Variants in ROBO2 observed in about 807,000 individuals in gnomAD.
The protein encoded by ROBO2 is roundabout guidance receptor 2, also known as roundabout homolog 2.
A neutral mutation model predicts 160.8 loss-of-function variants in ROBO2; 53 were observed. That is an observed-to-expected ratio of 0.33 (90% confidence interval 0.26 to 0.41). The LOEUF is 0.41. ROBO2 is among the 10% of genes least tolerant of loss of function. ROBO2 has a pLI of 1.00. For synonymous variants in ROBO2, 664 were observed against 611.7 expected (o/e 1.09, Z -1.26); for missense variants, 1,577 against 1,722.4 (o/e 0.92, Z 1.49).
chr3:76,536,409 GC>G (rs2082504125), intron 2 of ROBO2, among the ~76,000 whole-genome samples: 1 of 152,092 alleles, frequency 6.6e-6, no homozygotes, highest in Admixed American at 6.5e-5. Context: ...CGGCCTTCTG[GC>G]CCTTCAGGGT....
intron 5 of ROBO2, among the ~76,000 whole-genome samples, chr3:77,507,215 C>T (rs1383599742): frequency 6.6e-6 from 1 of 152,212 alleles, no homozygotes; most frequent in Non-Finnish European, 1.5e-5. Context: ...TCCATAAACA[C>T]ATTTCAAGAG....
At chr3:76,604,902 G>A (rs1384196577) in intron 2 of ROBO2, among the ~76,000 whole-genome samples, 1 of 152,148 alleles carries the variant, frequency 6.6e-6, no homozygotes, top group Non-Finnish European at 1.5e-5. Flanking sequence ...TAATCAAATA[G>A]ATAGCTTTTA....
In ROBO2 at chr3:77,151,096, A is replaced by T. The variant is rs536947226; in HGVS notation, c.388+52756A>T. Among the ~76,000 whole-genome samples, 5 of 152,248 alleles carry T rather than the reference A, an allele frequency of 3.3e-5. No individual in the cohort carries two copies. The East Asian group carries it at 7.7e-4, about 23-fold the overall frequency. On this transcript the variant is annotated intron_variant, in intron 2 of 25. Transcript: ENST00000461745. The stretch of plus-strand genomic sequence containing the variant: ...GCTTAAAAGGGGTACTCAAATGTAG[A>T]CCTAGATCTTGTCCTCTTTTGATCA...
At chr3:76,453,045 A>G (rs1043352588) in intron 2 of ROBO2, among the ~76,000 whole-genome samples, 7 of 151,698 alleles carry the variant, frequency 4.6e-5, no homozygotes, top group South Asian at 2.1e-4. Flanking sequence ...TTGTAAATTT[A>G]TTTGAGTTCA....
intron 2 of ROBO2, among the ~76,000 whole-genome samples, chr3:76,842,035 T>C (rs2068326570): frequency 1.3e-5 from 2 of 152,230 alleles, no homozygotes; most frequent in South Asian, 4.1e-4. Flanking sequence ...AAGGGGAAAG[T>C]TGTGTTTGGA....
At chr3:76,512,224 T>C (rs767034031) in intron 2 of ROBO2, among the ~76,000 whole-genome samples, 27 of 151,382 alleles carry the variant, frequency 1.8e-4, no homozygotes, top group Non-Finnish European at 1.9e-4. Context: ...TCAATAACTT[T>C]TGATGTTTCC....
intron 2 of ROBO2, among the ~76,000 whole-genome samples, chr3:76,006,326 T>A (rs1307454748): frequency 6.6e-6 from 1 of 152,130 alleles, no homozygotes; most frequent in African/African-American, 2.4e-5. Flanking sequence ...GAAATATTGG[T>A]TTAAATTCTG....
chr3:76,316,642 A>G (rs900895218), intron 2 of ROBO2, among the ~76,000 whole-genome samples: 3 of 152,214 alleles, frequency 2.0e-5, no homozygotes, highest in Non-Finnish European at 2.9e-5. Context: ...AGTTAACAGG[A>G]TTAGGAGATT....
At chr3:77,314,531 A>G (rs1237515123) in intron 2 of ROBO2, among the ~76,000 whole-genome samples, 10 of 152,202 alleles carry the variant, frequency 6.6e-5, no homozygotes, top group Non-Finnish European at 1.2e-4. Context: ...ATTAAAATTT[A>G]TGCATGAGAT....
At chr3:77,576,387 A>G (rs775809113) in intron 14 of ROBO2, among the ~76,000 whole-genome samples, 9 of 152,140 alleles carry the variant, frequency 5.9e-5, no homozygotes, top group Non-Finnish European at 1.0e-4. Context: ...AAAAAACTAA[A>G]CCATGTAGAG....
chr3:76,880,717 C>G (rs1350376555), intron 2 of ROBO2, among the ~76,000 whole-genome samples: 1 of 152,052 alleles, frequency 6.6e-6, no homozygotes, highest in East Asian at 1.9e-4. Flanking sequence ...TTGTTTGATA[C>G]TCATTTGTTA....
At position 76,847,928 on chromosome 3, in the gene ROBO2, C is replaced by T. The variant is rs188190100; in HGVS notation, c.110-250086C>T. Among the ~76,000 whole-genome samples, 283 of 151,544 alleles carry T rather than the reference C, an allele frequency of 1.9e-3. 1 individual carries two copies. The highest frequency in any genetic ancestry group is 6.4e-3 in the African/African-American group (264 of 41,264). On this transcript the variant is annotated intron_variant, in intron 2 of 26. Coordinates refer to the ROBO2 transcript ENST00000487694. ...TACTAATGACATTAAGAAGAGATGACGAGATATATTTATAATTATTTCATT... is the reference window on the plus strand; with the variant it reads ...TACTAATGACATTAAGAAGAGATGATGAGATATATTTATAATTATTTCATT...
At chr3:76,908,517 C>T (rs1179028032) in intron 2 of ROBO2, among the ~76,000 whole-genome samples, 2 of 152,114 alleles carry the variant, frequency 1.3e-5, no homozygotes, top group Admixed American at 6.5e-5. Context: ...AAACCACAGC[C>T]CTACCAAGTT....
rs567577444 is a variant in ROBO2, at chr3:76,346,309, G to A, written c.109+408707G>A. ...GTTGCCCAGGCTGGAGTGCAGTGGC[G>A]TGATCTTGGCTTACTGCAAGCTCCG... On this transcript the variant is annotated intron_variant, in intron 2 of 26. Coordinates refer to the ROBO2 transcript ENST00000487694. Among the ~76,000 whole-genome samples, 29 of 150,996 alleles carry A rather than the reference G, an allele frequency of 1.9e-4. No homozygotes were observed. The South Asian group carries it at 4.2e-3, about 22-fold the overall frequency.
intron 24 of ROBO2, chr3:77,642,895 C>T (rs889107311): frequency 2.2e-6 from 1 of 456,500 alleles, no homozygotes; most frequent in African/African-American, 2.0e-5. Context: ...CTCCACAGAA[C>T]GACAAGAAGA....
chr3:76,089,412 A>G (rs1257257984), intron 2 of ROBO2, among the ~76,000 whole-genome samples: 2 of 152,114 alleles, frequency 1.3e-5, no homozygotes, highest in Non-Finnish European at 2.9e-5. Flanking sequence ...TCTCTCAGGA[A>G]AATAGCTGCA....
chr3:77,436,198 ATGAGAGAT>A (rs2079267639), intron 2 of ROBO2, among the ~76,000 whole-genome samples: 1 of 151,528 alleles, frequency 6.6e-6, no homozygotes, highest in Non-Finnish European at 1.5e-5. Flanking sequence ...TATTGGGCTG[ATGAGAGAT>A]TGAGAGATGG....
intron 2 of ROBO2, among the ~76,000 whole-genome samples, chr3:76,715,319 C>CAACAA (rs1243332490): frequency 6.6e-6 from 1 of 152,110 alleles, no homozygotes; most frequent in African/African-American, 2.4e-5. Flanking sequence ...CCACTAACAT[C>CAACAA]AACAAAACAA....
intron 2 of ROBO2, among the ~76,000 whole-genome samples, chr3:77,410,798 C>T (rs2076738060): frequency 1.4e-5 from 2 of 147,668 alleles, no homozygotes; most frequent in African/African-American, 5.0e-5. Flanking sequence ...CCTCCCCCTC[C>T]CTCTCCTCCT....
Sources: allele counts gnomAD v4.1 joint callset (sites outside exome capture counted in the v4.1 genomes callset), GRCh38; gene constraint gnomAD v4.1.1; transcripts MANE v1.5; gene names NCBI Gene and HGNC (gene_info 2026-07-23, HGNC 2026-07-21).